COL4A6: variants seen among roughly 807,000 people sequenced by gnomAD.
COL4A6 encodes the protein collagen alpha-6(IV) chain.
Under a neutral mutation model 126.7 loss-of-function variants are expected in COL4A6, and 59 were observed. That is an observed-to-expected ratio of 0.47 (90% confidence interval 0.38 to 0.58). The LOEUF (loss-of-function observed/expected upper bound fraction) is 0.58. Among genes scored for constraint, COL4A6 ranks in the 20% least tolerant of loss-of-function variants. The pLI, the probability that COL4A6 is intolerant of heterozygous loss-of-function variation, is 0.00. For synonymous variants in COL4A6, 547 were observed against 496.6 expected (o/e 1.10, Z -1.35); for missense variants, 1,285 against 1,337.3 (o/e 0.96, Z 0.61).
rs2033905321 is a variant in COL4A6, at chrX:108,160,728, C to G, written c.4334-74G>C. 3.1e-6 allele frequency: 3 copies of G among 966,137 alleles called. No homozygotes were observed. In the African/African-American group the frequency reaches 5.8e-5, roughly 19 times the overall value. The allele number at this position is 966,137 out of a possible 1,213,427, so 79.6% of individuals were successfully genotyped here. On this transcript the variant is annotated intron_variant, in intron 42 of 44. Coordinates refer to ENST00000334504, the MANE Select transcript of COL4A6 (RefSeq NM_033641.4). Reference sequence around the variant, plus strand: ...CATCAGCTACTCACATTGTACCACACATTGTCCAAGGCATGTTATACACAT... The same window carrying G: ...CATCAGCTACTCACATTGTACCACAGATTGTCCAAGGCATGTTATACACAT...
At chrX:108,353,399 C>T (rs1014174310) in intron 2 of COL4A6, among the ~76,000 whole-genome samples, 1 of 112,288 alleles carries the variant, frequency 8.9e-6, no homozygotes, top group African/African-American at 3.2e-5. Context: ...GTGACTCAAC[C>T]TACAGTTCAT....
chrX:108,180,868 T>C (rs760310980), intron 24 of COL4A6, 29 bp downstream of exon 24: 32 of 1,178,777 alleles, frequency 2.7e-5, no homozygotes, highest in African/African-American at 3.5e-5. Context: ...CAAGAGTGTT[T>C]AGTGGCTTTC....
At chrX:108,266,770 C>T (rs1003590435) in intron 3 of COL4A6, among the ~76,000 whole-genome samples, 3 of 111,580 alleles carry the variant, frequency 2.7e-5, no homozygotes, top group African/African-American at 9.8e-5. Flanking sequence ...GAACATGGTG[C>T]TACTAAGATT....
At chrX:108,331,173 C>G (rs962190231) in intron 2 of COL4A6, among the ~76,000 whole-genome samples, 1 of 111,753 alleles carries the variant, frequency 8.9e-6, no homozygotes, top group African/African-American at 3.3e-5. Context: ...ATTCCCAGAG[C>G]CTAGCACTGT....
At chrX:108,238,249 GCGC>G (rs2036486628) in intron 3 of COL4A6, among the ~76,000 whole-genome samples, 1 of 108,529 alleles carries the variant, frequency 9.2e-6, no homozygotes, top group South Asian at 4.1e-4. Context: ...GGGATTATAG[GCGC>G]CTACCACCAT....
At chrX:108,292,644 A>G (rs1293620215) in intron 3 of COL4A6, among the ~76,000 whole-genome samples, 1 of 111,432 alleles carries the variant, frequency 9.0e-6, no homozygotes, top group Non-Finnish European at 1.9e-5. Flanking sequence ...AATTCCAAGG[A>G]CATATCTATA....
chrX:108,368,207 T>G (rs372176413), intron 2 of COL4A6, among the ~76,000 whole-genome samples: 1 of 98,589 alleles, frequency 1.0e-5, no homozygotes, highest in Non-Finnish European at 2.0e-5. Context: ...CTAGGCTATA[T>G]GATATAGCCT....
At chrX:108,170,076 G>C (rs1470709806) in intron 35 of COL4A6, 60 bp from the exon 36 acceptor site, 1 of 997,892 alleles carries the variant, frequency 1.0e-6, no homozygotes, top group Non-Finnish European at 1.4e-6. Flanking sequence ...GCATCAGCAA[G>C]AGGTAGCTAC....
chrX:108,320,300 A>C (rs1472520643), intron 2 of COL4A6, among the ~76,000 whole-genome samples: 1 of 111,682 alleles, frequency 9.0e-6, no homozygotes, highest in Non-Finnish European at 1.9e-5. Context: ...TTAAACGAAC[A>C]TCAGTTATCA....
intron 22 of COL4A6, 112 bp downstream of exon 22, chrX:108,187,736 G>A: frequency 1.4e-6 from 1 of 739,888 alleles, no homozygotes; most frequent in Non-Finnish European, 1.9e-6. Flanking sequence ...GGCAGGGCAA[G>A]GTCCTCTAGA....
At position 108,289,993 on chromosome X, in the gene COL4A6, C is replaced by T. The variant is rs890038460; in HGVS notation, c.144+20755G>A. ...TACTAATCAGTGTCCCCCTCTCACCCTCTCCCAGAGCCAGTGGTTAAACAT... is the reference window on the plus strand; with the variant it reads ...TACTAATCAGTGTCCCCCTCTCACCTTCTCCCAGAGCCAGTGGTTAAACAT... On this transcript the variant is annotated intron_variant, in intron 3 of 44. Coordinates refer to ENST00000334504, the MANE Select transcript of COL4A6 (RefSeq NM_033641.4). Among the ~76,000 whole-genome samples, 8 of 111,835 alleles carry T rather than the reference C, an allele frequency of 7.2e-5. No individual in the cohort carries two copies. In the Admixed American group the frequency reaches 7.6e-4, roughly 11 times the overall value.
chrX:108,424,917 C>A (rs754295050), intron 2 of COL4A6, among the ~76,000 whole-genome samples: 4 of 110,098 alleles, frequency 3.6e-5, no homozygotes, highest in Non-Finnish European at 7.6e-5. Context: ...GGGGCTGAGG[C>A]AGGAGGATCG....
chrX:108,175,869 A>T (rs1402911620), intron 28 of COL4A6, 72 bp from the exon 29 acceptor site: 1 of 930,861 alleles, frequency 1.1e-6, no homozygotes, highest in African/African-American at 2.0e-5. Flanking sequence ...AGGGAGGTTG[A>T]GTAACTTGCC....
rs766113808 is a variant in COL4A6 at position 108,293,713 on chromosome X, AT to A, written c.144+17034del. Among the ~76,000 whole-genome samples the A allele has an allele frequency of 9.9e-3, 1,076 of 108,822 alleles. 13 individuals carry two copies. The highest frequency in any genetic ancestry group is 0.034 in the African/African-American group (1,015 of 30,040). 94.5% of individuals were successfully genotyped at this position (108,822 alleles called of 115,157 possible). On this transcript the variant is annotated intron_variant, in intron 3 of 44. Coordinates refer to ENST00000334504, the MANE Select transcript of COL4A6 (RefSeq NM_033641.4). Reference sequence around the variant, plus strand: ...TACTAGGTATTCTACAGGTCAAGTGATTTTTTTTTTGATGACACCTGGGAAT... The same window carrying A: ...TACTAGGTATTCTACAGGTCAAGTGATTTTTTTTTGATGACACCTGGGAAT...
intron 2 of COL4A6, among the ~76,000 whole-genome samples, chrX:108,397,942 T>G (rs1263475465): frequency 8.9e-6 from 1 of 112,607 alleles, no homozygotes; most frequent in East Asian, 2.8e-4. Context: ...AAGCAGATAC[T>G]GAAGCACAAA....
At chrX:108,258,756 G>A (rs186693455) in intron 3 of COL4A6, among the ~76,000 whole-genome samples, 178 of 111,755 alleles carry the variant, frequency 1.6e-3, no homozygotes, top group African/African-American at 5.6e-3. Flanking sequence ...CCTCTCCTGA[G>A]TGTCCATTTG....
Position 108,175,765 on chromosome X carries a change from G to T in COL4A6, c.2719C>A (p.Pro907Thr), listed in dbSNP as rs1300716767. 1 of 1,195,315 alleles carries T rather than the reference G, an allele frequency of 8.4e-7. No individual in the cohort carries two copies. ...EKGSVGFVGFPGIPGLPGIPG... is the reference protein window; with the variant it reads ...EKGSVGFVGFTGIPGLPGIPG... ...ATACCAGGCAGACCTGGTATTCCTG[G>T]AAAACCTACGAATCCAACAGACCCC... Residue 907 changes from proline to threonine, a missense_variant, in exon 29 of 45, where the codon CCA becomes ACA. Pro to Thr is a conservative substitution (Grantham distance 38). Transcript: ENST00000334504.
chrX:108,344,210 G>A (rs2039658117), intron 2 of COL4A6, among the ~76,000 whole-genome samples: 1 of 111,047 alleles, frequency 9.0e-6, no homozygotes, highest in Non-Finnish European at 1.9e-5. Context: ...TTTCCACTGA[G>A]AATGTACTTA....
intron 2 of COL4A6, among the ~76,000 whole-genome samples, chrX:108,357,834 T>C (rs759896034): frequency 7.2e-5 from 8 of 111,207 alleles, no homozygotes; most frequent in Non-Finnish European, 1.5e-4. Context: ...CAGTTACGTA[T>C]ATGTTGTCCT....
Sources: allele counts gnomAD v4.1 joint callset (sites outside exome capture counted in the v4.1 genomes callset), GRCh38; gene constraint gnomAD v4.1.1; transcripts MANE v1.5; gene names NCBI Gene and HGNC (gene_info 2026-07-23, HGNC 2026-07-21).